NUP188: variants seen among roughly 807,000 people sequenced by gnomAD.
NUP188 encodes nucleoporin NUP188.
Under a neutral mutation model 223.0 loss-of-function variants are expected in NUP188, and 97 were observed. That is an observed-to-expected ratio of 0.43 (90% confidence interval 0.37 to 0.51). The LOEUF (loss-of-function observed/expected upper bound fraction) is 0.51, where lower values mean the gene tolerates loss of function less well. Among genes scored for constraint, NUP188 ranks in the 20% least tolerant of loss-of-function variants. The pLI is 0.00. For synonymous variants in NUP188, 869 were observed against 828.0 expected, an observed-to-expected ratio of 1.05 and a Z score of -0.85; for missense variants, 1,947 against 2,175.6, an observed-to-expected ratio of 0.89 and a Z score of 2.09.
At chr9:128,963,282 AT>A (rs1177267491) in intron 8 of NUP188, among the ~76,000 whole-genome samples, 1,628 of 138,762 alleles carry the variant, frequency 0.012, 16 homozygotes, top group African/African-American at 0.036. Flanking sequence ...GTAAATGTAA[AT>A]TTTTTTTTTT....
At chr9:128,947,847 G>A in intron 1 of NUP188, 96 bp downstream of exon 1, 1 of 1,204,654 alleles carries the variant, frequency 8.3e-7, no homozygotes, top group South Asian at 2.4e-5. Flanking sequence ...TGTGGCGACA[G>A]TGGCAGGGCC....
At chr9:128,949,379 C>T (rs1841743939) in intron 2 of NUP188, 136 bp downstream of exon 2, 2 of 637,538 alleles carry the variant, frequency 3.1e-6, no homozygotes, top group African/African-American at 1.9e-5. Flanking sequence ...GTTTCCCAGG[C>T]TGGAGTGCAA....
chr9:128,962,647 G>A (rs765545739), intron 8 of NUP188, among the ~76,000 whole-genome samples: 2 of 152,016 alleles, frequency 1.3e-5, no homozygotes, highest in Non-Finnish European at 2.9e-5. Flanking sequence ...GCCACAGAGC[G>A]AGACTCTGTC....
At chr9:129,006,022 T>G (rs973562607) in intron 41 of NUP188, 28 bp from the exon 42 acceptor site, 1 of 1,613,242 alleles carries the variant, frequency 6.2e-7, no homozygotes, top group African/African-American at 1.3e-5. Flanking sequence ...TCCTGTTGTC[T>G]TAGTTTTTTA....
chr9:128,992,233 C>T (rs1304059127), intron 25 of NUP188, among the ~76,000 whole-genome samples: 1 of 152,060 alleles, frequency 6.6e-6, no homozygotes, highest in Non-Finnish European at 1.5e-5. Context: ...CAGTCCCACT[C>T]CATCACCCAG....
Position 128,958,851 on chromosome 9 carries a change from T to C in NUP188, c.422T>C (p.Leu141Ser), listed in dbSNP as rs17432888. ...EERTCILRCVLHLLTYFQDER... is the reference protein window; with the variant it reads ...EERTCILRCVSHLLTYFQDER... Reference sequence around the variant, plus strand: ...AGAACCTGTATTCTTCGTTGTGTCTTACACCTTCTCACTTACTTCCAAGAT... The same window carrying C: ...AGAACCTGTATTCTTCGTTGTGTCTCACACCTTCTCACTTACTTCCAAGAT... Residue 141 changes from leucine to serine, a missense_variant, in exon 7 of 44, where the codon TTA (leucine) becomes TCA (serine). Coordinates refer to ENST00000372577, the MANE Select transcript of NUP188 (RefSeq NM_015354.3). 1 of 1,602,462 alleles carries C rather than the reference T, an allele frequency of 6.2e-7. No individual in the cohort carries two copies. Among genetic ancestry groups the C allele is most frequent in the South Asian group, 1.1e-5 (1 of 89,050 alleles).
intron 20 of NUP188, 128 bp downstream of exon 20, chr9:128,985,142 A>G: frequency 1.5e-6 from 1 of 655,330 alleles, no homozygotes; most frequent in Non-Finnish European, 2.7e-6. Context: ...AGTCATCTTG[A>G]AGTTACAGTG....
Position 128,984,124 on chromosome 9 carries a change from A to ATTTTTTTTTTTTTTTTTTTTTT in NUP188, c.1961+593_1961+594insTTTTTTTTTTTTTTTTTTTTTT, listed in dbSNP as rs1193631566. Among the ~76,000 whole-genome samples, 219 of 92,996 alleles carry ATTTTTTTTTTTTTTTTTTTTTT rather than the reference A, an allele frequency of 2.4e-3. 29 individuals are homozygous for ATTTTTTTTTTTTTTTTTTTTTT. Among genetic ancestry groups the ATTTTTTTTTTTTTTTTTTTTTT allele is most frequent in the African/African-American group, 6.5e-3 (110 of 16,946 alleles). The allele number at this position is 92,996 out of a possible 152,430, so 61.0% of individuals were successfully genotyped here. On this transcript the variant is annotated intron_variant, in intron 19 of 43. Coordinates refer to ENST00000372577, the MANE Select transcript of NUP188 (RefSeq NM_015354.3). ...GGCGTGAGCCACCGCGCCTGGCCTG[A>ATTTTTTTTTTTTTTTTTTTTTT]TTTTTTTTTTTTTTTTTTTGAGATG...
intron 8 of NUP188, among the ~76,000 whole-genome samples, chr9:128,963,045 A>G (rs1841977416): frequency 6.6e-6 from 1 of 152,152 alleles, no homozygotes; most frequent in South Asian, 2.1e-4. Context: ...TCCATGTTAT[A>G]TCATATACTA....
chr9:128,979,308 C>T lies in NUP188; in HGVS notation c.1250C>T (p.Pro417Leu), dbSNP rs1411167894. The T allele has an allele frequency of 1.2e-5, 19 of 1,611,832 alleles. No individual in the cohort carries two copies. Among genetic ancestry groups the T allele is most frequent in the Middle Eastern group, 3.3e-4 (2 of 6,050 alleles). The part of the protein sequence containing the change: ...ACEVLADPSL[P>L]ELFWGTEPTS... Reference sequence around the variant, plus strand: ...GAAGTATTGGCCGACCCTTCTCTTCCGGAACTGTTCTGGGGAACAGTAAGT... The same window carrying T: ...GAAGTATTGGCCGACCCTTCTCTTCTGGAACTGTTCTGGGGAACAGTAAGT... Residue 417 changes from proline (P) to leucine (L), a missense_variant, in exon 13 of 44, where the codon CCG becomes CTG. By Grantham distance (98) the Pro-to-Leu change is moderately conservative. Transcript: ENST00000372577.
chr9:129,005,206 G>C lies in NUP188; in HGVS notation c.4494G>C (p.Leu1498=), dbSNP rs903414048. The C allele has an allele frequency of 6.2e-7, 1 of 1,613,984 alleles. No individual in the cohort carries two copies. The change falls in exon 39 of 44, where the codon CTG becomes CTC. Residue 1498 remains leucine, a synonymous_variant. Coordinates refer to ENST00000372577, the MANE Select transcript of NUP188 (RefSeq NM_015354.3). Reference sequence around the variant, plus strand: ...CTCTCCTGCACAGTCGAAAGATGCTGCAGCATTACTTACAGGTAAGCGTCC... The same window carrying C: ...CTCTCCTGCACAGTCGAAAGATGCTCCAGCATTACTTACAGGTAAGCGTCC... ...CTSLLHSRKM[L]QHYLQNKNGD...
chr9:128,981,525 A>C, intron 15 of NUP188, 135 bp downstream of exon 15: 1 of 852,186 alleles, frequency 1.2e-6, no homozygotes, highest in Non-Finnish European at 1.8e-6. Context: ...TGATTCTCCC[A>C]CCTTAGCCTC....
At position 128,994,461 on chromosome 9, in the gene NUP188, C is replaced by T; in HGVS notation, c.3087+19C>T. 6.3e-7 allele frequency: 1 copy of T among 1,584,010 alleles called. No individual in the cohort carries two copies. The highest frequency in any genetic ancestry group is 2.2e-5 in the East Asian group (1 of 44,726). On this transcript the variant is annotated intron_variant, in intron 28 of 43. Transcript: ENST00000372577. ...ATCAGAGGTAAGCTGTGGCAGAGGG[C>T]AGGATGGTGGCTACAAGTCCCTTGG...
intron 36 of NUP188, 28 bp from the exon 37 acceptor site, chr9:129,002,789 C>A: frequency 6.2e-7 from 1 of 1,609,096 alleles, no homozygotes; most frequent in Non-Finnish European, 8.5e-7. Flanking sequence ...AGCAGGGTTC[C>A]TGAGCTTGTC....
intron 8 of NUP188, among the ~76,000 whole-genome samples, chr9:128,961,620 A>AGATAGATAGATT (rs1491364172): frequency 7.2e-6 from 1 of 139,160 alleles, no homozygotes; most frequent in African/African-American, 2.7e-5. Flanking sequence ...ATAGATAGAT[A>AGATAGATAGATT]GATTTTTTTT....
chr9:128,961,603 TA>T (rs1841955096), intron 8 of NUP188, among the ~76,000 whole-genome samples: 1 of 148,488 alleles, frequency 6.7e-6, no homozygotes, highest in South Asian at 2.1e-4. Context: ...GATAGATAGA[TA>T]GATAGATAGA....
At position 128,993,646 on chromosome 9, in the gene NUP188, C is replaced by A; in HGVS notation, c.2969C>A (p.Ala990Asp). 2 of 1,614,222 alleles carry A rather than the reference C, an allele frequency of 1.2e-6. No homozygotes were observed. Among genetic ancestry groups the A allele is most frequent in the Non-Finnish European group, 1.7e-6 (2 of 1,180,036 alleles). The change falls in exon 27 of 44, where the codon GCT (alanine) becomes GAT (aspartate). Residue 990 changes from alanine to aspartate, a missense_variant. By Grantham distance (126) the Ala-to-Asp change is moderately radical. Transcript: ENST00000372577. ...LHRAAIAFLH[A>D]LWQDRRDSAM... ...CGTGCCGCCATTGCCTTTTTGCATG[C>A]TCTGTGGCAGGATCGGAGGGACAGT...
intron 38 of NUP188, among the ~76,000 whole-genome samples, chr9:129,004,293 A>C (rs1213479145): frequency 3.3e-5 from 5 of 151,752 alleles, no homozygotes; most frequent in African/African-American, 4.8e-5. Flanking sequence ...AAAAAAAAAA[A>C]AAAAAACTAA....
chr9:128,961,764 G>A (rs1841958613), intron 8 of NUP188, among the ~76,000 whole-genome samples: 1 of 151,086 alleles, frequency 6.6e-6, no homozygotes, highest in African/African-American at 2.4e-5. Context: ...TGGGATTACA[G>A]GCATGTGCTA....
Sources: gnomAD v4.1 joint callset for allele counts (sites outside exome capture counted in the v4.1 genomes callset) on GRCh38, gnomAD v4.1.1 for gene constraint, MANE v1.5 for transcripts, NCBI Gene and HGNC (gene_info 2026-07-23, HGNC 2026-07-21) for gene names.